Variants in KIAA0513 observed in about 807,000 individuals in gnomAD.
KIAA0513 encodes the protein uncharacterized protein KIAA0513.
A neutral mutation model predicts 56.5 loss-of-function variants in KIAA0513; 39 were observed. The observed-to-expected ratio is 0.69, with a 90% CI of 0.53 to 0.90. The LOEUF (loss-of-function observed/expected upper bound fraction) is 0.90, where lower values mean the gene tolerates loss of function less well. Ranked by LOEUF, KIAA0513 falls within the 40% of genes least tolerant of loss-of-function variation. The pLI is 0.00. For synonymous variants in KIAA0513, 268 were observed against 215.6 expected (o/e 1.24, Z -2.13); for missense variants, 591 against 535.2 (o/e 1.10, Z -1.03).
intron 1 of KIAA0513, among the ~76,000 whole-genome samples, chr16:85,065,816 C>T (rs2073473093): frequency 6.6e-6 from 1 of 152,140 alleles, no homozygotes; most frequent in Admixed American, 6.5e-5. Context: ...AGGAAGGTTC[C>T]CCAGTACCTT....
rs778971281 is a variant in KIAA0513 at position 85,072,956 on chromosome 16, C to T, written c.461C>T (p.Thr154Ile). 47 of 1,614,108 alleles carry T rather than the reference C, an allele frequency of 2.9e-5. No homozygotes were observed. The highest frequency in any genetic ancestry group is 4.0e-5 in the Non-Finnish European group (47 of 1,180,040). ...AACTCCAAGTGTGTCTCAGAGGCAA[C>T]CTTCTACCGCCTGGTGCAGTCTTTT... ...RCNSKCVSEA[T>I]FYRLVQSFAV... Residue 154 changes from threonine (T) to isoleucine (I), a missense_variant, in exon 4 of 13, where the codon ACC becomes ATC. Coordinates refer to ENST00000683363, the MANE Select transcript of KIAA0513 (RefSeq NM_001388359.1).
intron 1 of KIAA0513, among the ~76,000 whole-genome samples, chr16:85,058,393 C>A (rs1293762587): frequency 6.6e-6 from 1 of 152,184 alleles, no homozygotes; most frequent in Non-Finnish European, 1.5e-5. Flanking sequence ...TTGGCTCATG[C>A]CTATAATCCC....
intron 1 of KIAA0513, among the ~76,000 whole-genome samples, chr16:85,028,864 G>A (rs1455739567): frequency 1.3e-5 from 2 of 152,144 alleles, no homozygotes; most frequent in Admixed American, 1.3e-4. Flanking sequence ...TTAGAGGCAG[G>A]CTGACAGCTG....
Position 85,071,808 on chromosome 16 carries a change from G to C in KIAA0513, c.355G>C (p.Ala119Pro). 6.3e-7 allele frequency: 1 copy of C among 1,594,474 alleles called. No individual in the cohort carries two copies. The highest frequency in any genetic ancestry group is 8.5e-7 in the Non-Finnish European group (1 of 1,172,748). Reference sequence around the variant, plus strand: ...GGAGGACTTGGATCAGGAGGAGAAAGCCAAGTTTGGAGAGTACTGCAGCAG... The same window carrying C: ...GGAGGACTTGGATCAGGAGGAGAAACCCAAGTTTGGAGAGTACTGCAGCAG... ...GGEDLDQEEK[A>P]KFGEYCSSEN... Residue 119 changes from alanine (A) to proline (P), a missense_variant, in exon 3 of 13, where the codon GCC becomes CCC. Ala to Pro is a conservative substitution (Grantham distance 27). Coordinates refer to ENST00000683363, the MANE Select transcript of KIAA0513 (RefSeq NM_001388359.1).
chr16:85,054,928 T>A (rs1250294104), intron 1 of KIAA0513, among the ~76,000 whole-genome samples: 1 of 152,152 alleles, frequency 6.6e-6, no homozygotes, highest in Non-Finnish European at 1.5e-5. Context: ...TTTCTGTATT[T>A]CATTTTATTT....
intron 2 of KIAA0513, 106 bp from the exon 3 acceptor site, chr16:85,071,677 C>T (rs992114753): frequency 2.0e-5 from 18 of 916,542 alleles, no homozygotes; most frequent in Admixed American, 1.1e-4. Context: ...CTGTGCTTGG[C>T]TGGGGAATAT....
At chr16:85,071,460 C>T (rs920797435) in intron 2 of KIAA0513, among the ~76,000 whole-genome samples, 2 of 152,160 alleles carry the variant, frequency 1.3e-5, no homozygotes, top group African/African-American at 2.4e-5. Flanking sequence ...TGCCCTTATC[C>T]AGGCTCAGAC....
intron 2 of KIAA0513, 92 bp from the exon 3 acceptor site, chr16:85,071,691 G>T: frequency 9.5e-7 from 1 of 1,052,320 alleles, no homozygotes; most frequent in Non-Finnish European, 1.4e-6. Flanking sequence ...GGAATATTTC[G>T]TTAGTTCCTT....
At chr16:85,070,407 G>T (rs973259146) in intron 2 of KIAA0513, among the ~76,000 whole-genome samples, 1 of 151,976 alleles carries the variant, frequency 6.6e-6, no homozygotes, top group Non-Finnish European at 1.5e-5. Flanking sequence ...GGCTGAGTAC[G>T]GTGGCTCACA....
intron 4 of KIAA0513, 86 bp downstream of exon 4, chr16:85,073,084 C>A: frequency 8.8e-7 from 1 of 1,138,872 alleles, no homozygotes; most frequent in Non-Finnish European, 1.3e-6. Context: ...GTGTCATAAC[C>A]CAGCTGTGAA....
rs1471406165 is a variant in KIAA0513, at chr16:85,076,605, C to T, written c.574+691C>T. Among the ~76,000 whole-genome samples, 1 of 152,028 alleles carries T rather than the reference C, an allele frequency of 6.6e-6. No individual in the cohort carries two copies. Among genetic ancestry groups the T allele is most frequent in the Non-Finnish European group, 1.5e-5 (1 of 68,000 alleles). ...CCCCGTGCTTTCCTCTCTCGGGACC[C>T]GCGTGCTCACTCTTGGGGTGTATGT... On this transcript the variant is annotated intron_variant, in intron 5 of 12. Transcript: ENST00000683363. The surrounding 1 kb of genome is among the most constrained non-coding windows in gnomAD (Gnocchi z 4.7).
At chr16:85,061,017 G>T (rs1477024206) in intron 1 of KIAA0513, among the ~76,000 whole-genome samples, 1 of 151,922 alleles carries the variant, frequency 6.6e-6, no homozygotes, top group Non-Finnish European at 1.5e-5. Flanking sequence ...GCCCAGCATG[G>T]TGGCGGGAGC....
At chr16:85,033,149 T>C (rs948316517) in intron 1 of KIAA0513, among the ~76,000 whole-genome samples, 1 of 152,156 alleles carries the variant, frequency 6.6e-6, no homozygotes, top group African/African-American at 2.4e-5. Flanking sequence ...GCATTCATGA[T>C]CCTTATGATT....
intron 1 of KIAA0513, among the ~76,000 whole-genome samples, chr16:85,054,460 T>C (rs532769421): frequency 6.9e-5 from 10 of 145,924 alleles, no homozygotes; most frequent in African/African-American, 2.5e-4. Flanking sequence ...AGATGGAGTC[T>C]CACTCTGTTG....
At chr16:85,029,192 C>T (rs751023899) in intron 1 of KIAA0513, among the ~76,000 whole-genome samples, 2 of 152,042 alleles carry the variant, frequency 1.3e-5, no homozygotes, top group Non-Finnish European at 2.9e-5. Flanking sequence ...GAAATTGGCT[C>T]GCAATGAAAA....
chr16:85,075,827 CT>C lies in KIAA0513; in HGVS notation c.504-15del. On this transcript the variant is annotated splice_polypyrimidine_tract_variant and intron_variant, in intron 4 of 12. Transcript: ENST00000683363. ...GGTGGAGCGATCTTTAGCCATGAGC[CT>C]TGCCTCTTGTTTCAGGTGTCATCAG... The C allele has an allele frequency of 6.2e-7, 1 of 1,613,888 alleles. No individual in the cohort carries two copies. Among genetic ancestry groups the C allele is most frequent in the Non-Finnish European group, 8.5e-7 (1 of 1,179,770 alleles).
At chr16:85,078,373 G>A (rs761531287) in intron 6 of KIAA0513, 42 bp from the exon 7 acceptor site, 16 of 1,610,918 alleles carry the variant, frequency 9.9e-6, no homozygotes, top group Non-Finnish European at 1.4e-5. Flanking sequence ...AGAAAGTGTG[G>A]TGTGAGTCGC....
Position 85,081,784 on chromosome 16 carries a change from G to T in KIAA0513, c.980+392G>T, listed in dbSNP as rs138208770. ...GGCCACCATCCCCGAGACTGCCCTC[G>T]AGAGCTGGCGCCTGGGGAATGCAGT... On this transcript the variant is annotated intron_variant, in intron 9 of 12. Coordinates refer to ENST00000683363, the MANE Select transcript of KIAA0513 (RefSeq NM_001388359.1). This position sits in a 1 kb window ranked among gnomAD's most constrained non-coding sequence, Gnocchi z 4.4. 4.6e-5 allele frequency among the ~76,000 whole-genome samples: 7 copies of T among 152,316 alleles called. No individual in the cohort carries two copies. Among genetic ancestry groups the T allele is most frequent in the Non-Finnish European group, 1.0e-4 (7 of 68,028 alleles).
At position 85,075,571 on chromosome 16, in the gene KIAA0513, G is replaced by A. The variant is rs118109742; in HGVS notation, c.504-273G>A. Among the ~76,000 whole-genome samples, 834 of 152,292 alleles carry A rather than the reference G, an allele frequency of 5.5e-3. 8 individuals carry two copies. Among genetic ancestry groups the A allele is most frequent in the Non-Finnish European group, 8.3e-3 (567 of 68,030 alleles). On this transcript the variant is annotated intron_variant, in intron 4 of 12. Coordinates refer to ENST00000683363, the MANE Select transcript of KIAA0513 (RefSeq NM_001388359.1). ...TCTCATCCTGGCTCTGCTCCTGGGC[G>A]TCAAGTTGAGCTTCCCAGGCCTGGG...
Sources: gnomAD v4.1 joint callset for allele counts (sites outside exome capture counted in the v4.1 genomes callset) on GRCh38, gnomAD v4.1.1 for gene constraint, Gnocchi (gnomAD v3.1) non-coding constraint, MANE v1.5 for transcripts, NCBI Gene and HGNC (gene_info 2026-07-23, HGNC 2026-07-21) for gene names.